The following RBM10 variants were observed in gnomAD, a reference collection of about 807,000 sequenced individuals.
RBM10 encodes the protein RNA-binding protein 10.
Under a neutral mutation model 84.9 loss-of-function variants are expected in RBM10, and 1 was observed. The observed-to-expected ratio is 0.01, with a 90% CI of 0.00 to 0.06. The LOEUF (loss-of-function observed/expected upper bound fraction) is 0.06, where lower values mean the gene tolerates loss of function less well. Ranked by LOEUF, RBM10 falls within the 10% of genes least tolerant of loss-of-function variation. The pLI is 1.00. For synonymous variants in RBM10, 326 were observed against 344.5 expected (o/e 0.95, Z 0.60); for missense variants, 438 against 839.0 (o/e 0.52, Z 5.90).
chrX:47,164,082 G>T (rs1556767896), intron 2 of RBM10, among the ~76,000 whole-genome samples: 1 of 108,124 alleles, frequency 9.2e-6, no homozygotes, highest in East Asian at 2.9e-4. Context: ...TGTTAGCCAG[G>T]ATTGTCTCGA....
At chrX:47,184,993 T>C (rs2147208647) in intron 17 of RBM10, 62 bp from the exon 18 acceptor site, 1 of 1,146,768 alleles carries the variant, frequency 8.7e-7, no homozygotes, top group Non-Finnish European at 1.2e-6. Flanking sequence ...GGTCAGCAGA[T>C]AGAGTTAGTA....
chrX:47,181,377 A>G lies in RBM10; in HGVS notation c.1411A>G (p.Thr471Ala). The G allele has an allele frequency of 8.3e-7, 1 of 1,207,254 alleles. No individual in the cohort carries two copies. The change falls in exon 13 of 24, where the codon ACC becomes GCC. Residue 471 changes from threonine to alanine, a missense_variant. By Grantham distance (58) the Thr-to-Ala change is moderately conservative (BLOSUM62 0). Around this residue, in one of 8 missense-constraint regions of RBM10, gnomAD observed 97 missense variants for 110.3 expected, o/e 0.88. Transcript: ENST00000377604. ...KGTKGPGITG[T>A]KGDPTGAGPE... ...CACCAAGGGCCCTGGCATCACTGGA[A>G]CCAAAGGGGATCCCACTGGAGCAGG...
rs1935584283 is a variant in RBM10, at chrX:47,181,994, C to T, written c.1737C>T (p.Gly579=). The T allele has an allele frequency of 8.3e-7, 1 of 1,211,656 alleles. No homozygotes were observed. Among genetic ancestry groups the T allele is most frequent in the Non-Finnish European group, 1.1e-6 (1 of 895,505 alleles). ...CCTACCAGTACGATGAGACCTCCGG[C>T]TACTACTATGACCCCCAGACCGGCC... ...VSTYQYDETS[G]YYYDPQTGLY... Residue 579 remains glycine, a synonymous_variant, in exon 16 of 24, where the codon GGC becomes GGT. Coordinates refer to ENST00000377604, the MANE Select transcript of RBM10 (RefSeq NM_005676.5).
chrX:47,172,049 A>G (rs928727312), intron 4 of RBM10, among the ~76,000 whole-genome samples: 2 of 112,237 alleles, frequency 1.8e-5, no homozygotes, highest in Non-Finnish European at 3.8e-5. Context: ...GGTTGCTGAC[A>G]TTTGTTGAGA....
rs781998472 is a variant in RBM10, at chrX:47,186,524, C to T, written c.2718C>T (p.Tyr906=). 23 of 1,209,714 alleles carry T rather than the reference C, an allele frequency of 1.9e-5. No homozygotes were observed. In the African/African-American group the frequency reaches 2.3e-4, roughly 12 times the overall value. ...GSGLGARGSS[Y]GVTSTESYKE... is the part of the protein sequence containing the mutation. ...GCCTGGGTGCACGGGGCAGCTCCTACGGGGTCACCTCAACCGAGTCCTACA... is the reference window on the plus strand; with the variant it reads ...GCCTGGGTGCACGGGGCAGCTCCTATGGGGTCACCTCAACCGAGTCCTACA... Residue 906 remains tyrosine (Y), a synonymous_variant, in exon 24 of 24, where the codon TAC becomes TAT. Transcript: ENST00000377604.
At chrX:47,153,124 G>A (rs782205434) in intron 2 of RBM10, among the ~76,000 whole-genome samples, 28 of 112,100 alleles carry the variant, frequency 2.5e-4, no homozygotes, top group Non-Finnish European at 5.1e-4. Context: ...GGGATTACAG[G>A]CATGAGCCAC....
At chrX:47,149,267 C>T (rs782230018) in intron 2 of RBM10, among the ~76,000 whole-genome samples, 26 of 111,807 alleles carry the variant, frequency 2.3e-4, no homozygotes, top group Non-Finnish European at 3.6e-4. Context: ...AGGCAATTCT[C>T]CTCCCTTGGC....
chrX:47,149,417 A>G (rs1170469558), intron 2 of RBM10, among the ~76,000 whole-genome samples: 1 of 111,687 alleles, frequency 9.0e-6, no homozygotes, highest in South Asian at 3.7e-4. Context: ...CTGGAGTGCA[A>G]TGGCGCAGTC....
chrX:47,183,734 T>C, intron 17 of RBM10, among the ~76,000 whole-genome samples: 1 of 110,883 alleles, frequency 9.0e-6, no homozygotes. Context: ...TTCGCTCTTA[T>C]CATCCAGGCT....
chrX:47,178,017 G>C (rs190532050), intron 7 of RBM10, among the ~76,000 whole-genome samples: 3 of 110,666 alleles, frequency 2.7e-5, no homozygotes, highest in African/African-American at 6.6e-5. Context: ...TCCCTCCCTC[G>C]CCATTCCCGC....
chrX:47,185,018 A>G (rs2147209043), intron 17 of RBM10, 37 bp from the exon 18 acceptor site: 1 of 1,193,349 alleles, frequency 8.4e-7, no homozygotes, highest in Non-Finnish European at 1.1e-6. Flanking sequence ...CAGGGTCATG[A>G]GGGTTCTGGG....
intron 17 of RBM10, among the ~76,000 whole-genome samples, chrX:47,183,216 T>C (rs1309118301): frequency 8.9e-6 from 1 of 111,763 alleles, no homozygotes; most frequent in Non-Finnish European, 1.9e-5. Flanking sequence ...TGGCATTAAA[T>C]GGAGACTCAA....
At position 47,185,347 on chromosome X, in the gene RBM10, T is replaced by C. The variant is rs2147213825; in HGVS notation, c.2146T>C (p.Leu716=). Residue 716 remains leucine, a synonymous_variant, in exon 19 of 24, where the codon TTG becomes CTG. Transcript: ENST00000377604. Reference sequence around the variant, plus strand: ...GCACACCAGCATGGATCTCCCGAAATTGGCCAGTGACGACCGCCCAGTGAG... The same window carrying C: ...GCACACCAGCATGGATCTCCCGAAACTGGCCAGTGACGACCGCCCAGTGAG... ...RQHTSMDLPK[L]ASDDRPSPPR... The C allele has an allele frequency of 8.3e-7, 1 of 1,206,330 alleles. No individual in the cohort carries two copies. The highest frequency in any genetic ancestry group is 1.1e-6 in the Non-Finnish European group (1 of 892,693).
At chrX:47,161,512 A>C (rs962816073) in intron 2 of RBM10, among the ~76,000 whole-genome samples, 10 of 58,659 alleles carry the variant, frequency 1.7e-4, no homozygotes, top group Non-Finnish European at 3.2e-5. Flanking sequence ...TCAACTCATT[A>C]GTTTTTTTTT....
intron 1 of RBM10, among the ~76,000 whole-genome samples, chrX:47,145,931 T>C (rs1409085752): frequency 2.1e-5 from 2 of 95,898 alleles, no homozygotes; most frequent in Admixed American, 1.1e-4. Flanking sequence ...GATGTGACTC[T>C]GGTCTTTACC....
At chrX:47,170,929 C>A in intron 3 of RBM10, 99 bp from the exon 4 acceptor site, 1 of 909,038 alleles carries the variant, frequency 1.1e-6, no homozygotes, top group Non-Finnish European at 1.6e-6. Flanking sequence ...ACATCCCTGG[C>A]TTTCAGAGCC....
chrX:47,163,084 G>A (rs1933863245), intron 2 of RBM10, among the ~76,000 whole-genome samples: 1 of 108,956 alleles, frequency 9.2e-6, no homozygotes, highest in Admixed American at 9.9e-5. Flanking sequence ...CATAATCTTA[G>A]GTCTAATCAT....
chrX:47,186,615 A>C lies in RBM10; in HGVS notation c.*16A>C, dbSNP rs782685902. On this transcript the variant is annotated 3_prime_UTR_variant, in exon 24 of 24. Transcript: ENST00000377604. ...GGCCCAGTGAGCAGCTTCAAGAGCA[A>C]CTTCTCCACATGTTGGGTGTCCATC... is the stretch of plus-strand genomic sequence containing the variant. 4.9e-5 allele frequency: 59 copies of C among 1,209,701 alleles called. No individual in the cohort carries two copies. The highest frequency in any genetic ancestry group is 6.6e-5 in the Non-Finnish European group (59 of 894,962).
intron 1 of RBM10, 115 bp from the exon 2 acceptor site, chrX:47,147,242 G>A (rs1440601802): frequency 3.6e-5 from 28 of 781,465 alleles, no homozygotes; most frequent in Non-Finnish European, 5.1e-5. Flanking sequence ...CTGGGAGCTG[G>A]AAGACAATGT....
Sources: gnomAD v4.1 joint callset for allele counts (sites outside exome capture counted in the v4.1 genomes callset) on GRCh38, gnomAD v4.1.1 for gene constraint, gnomAD v4.1.1 regional missense constraint, MANE v1.5 for transcripts, NCBI Gene and HGNC (gene_info 2026-07-23, HGNC 2026-07-21) for gene names.